CTNND2: variants seen among roughly 807,000 people sequenced by gnomAD.
CTNND2 encodes catenin delta-2.
Under a neutral mutation model 144.4 loss-of-function variants are expected in CTNND2, and 22 were observed. The observed-to-expected ratio is 0.15, with a 90% CI of 0.11 to 0.22. The LOEUF is 0.22. Among genes scored for constraint, CTNND2 ranks in the 10% least tolerant of loss-of-function variants. The pLI, the probability that CTNND2 is intolerant of heterozygous loss-of-function variation, is 1.00. For synonymous variants in CTNND2, 751 were observed against 695.6 expected (o/e 1.08, Z -1.25); for missense variants, 1,353 against 1,618.8 (o/e 0.84, Z 2.82).
chr5:11,871,576 A>G (rs1335816506), intron 1 of CTNND2, among the ~76,000 whole-genome samples: 1 of 152,224 alleles, frequency 6.6e-6, no homozygotes, highest in African/African-American at 2.4e-5. Flanking sequence ...TGTATTTTAA[A>G]GAAGAAAAGA....
At chr5:11,534,617 A>C (rs1335624659) in intron 3 of CTNND2, among the ~76,000 whole-genome samples, 1 of 151,660 alleles carries the variant, frequency 6.6e-6, no homozygotes, top group African/African-American at 2.4e-5. Flanking sequence ...GGGGAAAAAA[A>C]AAGAAAGAAA....
intron 3 of CTNND2, among the ~76,000 whole-genome samples, chr5:11,558,374 GTGTGTGTGAC>G (rs67743203): frequency 0.17 from 11,085 of 66,856 alleles, 538 homozygotes; most frequent in East Asian, 0.34. Context: ...GTGTGTGTGT[GTGTGTGTGAC>G]ACACAAGGTC....
intron 5 of CTNND2, among the ~76,000 whole-genome samples, chr5:11,399,213 T>C (rs956807872): frequency 1.3e-5 from 2 of 152,218 alleles, no homozygotes; most frequent in African/African-American, 4.8e-5. Flanking sequence ...CTGGGCATAA[T>C]GGCTTGTACT....
intron 1 of CTNND2, among the ~76,000 whole-genome samples, chr5:11,811,721 T>C (rs1792344089): frequency 1.3e-5 from 2 of 152,140 alleles, no homozygotes; most frequent in African/African-American, 4.8e-5. Context: ...CCCATTTCCA[T>C]AATGGGAGAT....
chr5:11,470,975 TATA>T (rs1767151051), intron 3 of CTNND2, among the ~76,000 whole-genome samples: 2 of 95,782 alleles, frequency 2.1e-5, no homozygotes, highest in African/African-American at 1.2e-4. Flanking sequence ...TATATATATA[TATA>T]TATTTTTTTT....
chr5:11,565,602 C>T (rs982684489), intron 2 of CTNND2, among the ~76,000 whole-genome samples: 6 of 152,184 alleles, frequency 3.9e-5, no homozygotes, highest in Admixed American at 6.5e-5. Flanking sequence ...AGCAGAATGA[C>T]AATGATACCA....
chr5:11,497,442 A>T (rs1232274238), intron 3 of CTNND2, among the ~76,000 whole-genome samples: 1 of 138,726 alleles, frequency 7.2e-6, no homozygotes, highest in Non-Finnish European at 1.5e-5. Flanking sequence ...CATGAAGACC[A>T]CTTTGAGAGT....
At chr5:11,433,860 A>T (rs1763519320) in intron 3 of CTNND2, among the ~76,000 whole-genome samples, 1 of 152,242 alleles carries the variant, frequency 6.6e-6, no homozygotes, top group Non-Finnish European at 1.5e-5. Flanking sequence ...AAGGTACCAA[A>T]TTCAAATAGG....
chr5:11,707,816 C>G (rs569468210), intron 2 of CTNND2, among the ~76,000 whole-genome samples: 9 of 152,110 alleles, frequency 5.9e-5, no homozygotes, highest in Admixed American at 3.9e-4. Context: ...TACAAAAAAG[C>G]CTCAGGGTCT....
At chr5:11,733,619 A>G (rs1787516892) in intron 1 of CTNND2, among the ~76,000 whole-genome samples, 1 of 152,242 alleles carries the variant, frequency 6.6e-6, no homozygotes, top group Admixed American at 6.5e-5. Flanking sequence ...TAACATAAGA[A>G]GCTTAGTTAG....
At chr5:11,200,453 T>A (rs1378440880) in intron 10 of CTNND2, among the ~76,000 whole-genome samples, 1 of 152,216 alleles carries the variant, frequency 6.6e-6, no homozygotes, top group Non-Finnish European at 1.5e-5. Context: ...ACAGGCTATA[T>A]TAGCAAAGCT....
At chr5:11,696,775 G>A (rs1785158505) in intron 2 of CTNND2, among the ~76,000 whole-genome samples, 1 of 152,130 alleles carries the variant, frequency 6.6e-6, no homozygotes, top group East Asian at 1.9e-4. Flanking sequence ...ATATCAACAG[G>A]TATGAACAAC....
chr5:11,258,032 C>T (rs1350194280), intron 9 of CTNND2, among the ~76,000 whole-genome samples: 3 of 152,174 alleles, frequency 2.0e-5, no homozygotes, highest in Non-Finnish European at 4.4e-5. Context: ...TGCTCTTCAA[C>T]TGATCTGGTG....
chr5:11,711,958 CATT>C (rs1207411075), intron 2 of CTNND2, among the ~76,000 whole-genome samples: 1 of 152,164 alleles, frequency 6.6e-6, no homozygotes, highest in Admixed American at 6.6e-5. Flanking sequence ...AATTAGTTAA[CATT>C]ATTATTAGTA....
intron 2 of CTNND2, chr5:11,589,081 AAGAGAAAAGAAT>A (rs1439367513): frequency 1.0e-6 from 1 of 967,354 alleles, no homozygotes; most frequent in Non-Finnish European, 1.2e-6. Flanking sequence ...GCTGTCTTAA[AAGAGAAAAGAAT>A]AGAGTTCAGC....
intron 11 of CTNND2, among the ~76,000 whole-genome samples, chr5:11,167,741 G>C (rs1243990219): frequency 6.6e-6 from 1 of 150,958 alleles, no homozygotes; most frequent in East Asian, 1.9e-4. Context: ...TGTTGCCCAG[G>C]TTAGAGTGCA....
intron 14 of CTNND2, among the ~76,000 whole-genome samples, chr5:11,102,044 T>C (rs532065367): frequency 1.0e-3 from 153 of 152,240 alleles, no homozygotes; most frequent in Middle Eastern, 6.8e-3. Flanking sequence ...GGGTTTCATC[T>C]TGTTCCAGCT....
At chr5:11,037,053 G>C (rs1490441220) in intron 16 of CTNND2, among the ~76,000 whole-genome samples, 34 of 152,090 alleles carry the variant, frequency 2.2e-4, no homozygotes, top group Admixed American at 2.2e-3. Context: ...GCACAATAAT[G>C]GTCAACAATT....
intron 1 of CTNND2, among the ~76,000 whole-genome samples, chr5:11,809,837 C>T (rs892914059): frequency 6.6e-6 from 1 of 152,166 alleles, no homozygotes; most frequent in Non-Finnish European, 1.5e-5. Context: ...TGAGAAGTCA[C>T]TGCGGTCCTA....
Sources: allele counts gnomAD v4.1 joint callset (sites outside exome capture counted in the v4.1 genomes callset), GRCh38; gene constraint gnomAD v4.1.1; transcripts MANE v1.5; gene names NCBI Gene and HGNC (gene_info 2026-07-23, HGNC 2026-07-21).